RNF111: variants seen among roughly 807,000 people sequenced by gnomAD.
RNF111 encodes ring finger protein 111.
Under a neutral mutation model 95.1 loss-of-function variants are expected in RNF111, and 17 were observed. The observed-to-expected ratio is 0.18, with a 90% CI of 0.12 to 0.27. RNF111 has a LOEUF of 0.27. Among genes scored for constraint, RNF111 ranks in the 10% least tolerant of loss-of-function variants. The probability of loss-of-function intolerance (pLI) is 1.00; values close to 1 mark genes in which losing one functional copy is unlikely to be tolerated. For synonymous variants in RNF111, 440 were observed against 414.8 expected (o/e 1.06, Z -0.74); for missense variants, 1,189 against 1,210.4 (o/e 0.98, Z 0.26).
At chr15:59,033,486 A>C (rs1190556592) in intron 2 of RNF111, among the ~76,000 whole-genome samples, 1 of 152,210 alleles carries the variant, frequency 6.6e-6, no homozygotes, top group East Asian at 1.9e-4. Flanking sequence ...CCTGAGAATA[A>C]GGGAAATGAG....
At chr15:59,027,912 G>A (rs985720957) in intron 1 of RNF111, among the ~76,000 whole-genome samples, 1 of 147,356 alleles carries the variant, frequency 6.8e-6, no homozygotes, top group South Asian at 2.1e-4. Context: ...TACAACCTCT[G>A]CCTCCCTGGT....
At chr15:59,014,286 A>G (rs1383074943) in intron 1 of RNF111, among the ~76,000 whole-genome samples, 1 of 152,100 alleles carries the variant, frequency 6.6e-6, no homozygotes, top group Non-Finnish European at 1.5e-5. Context: ...CCCTGGTGAA[A>G]TCAGCTGTTT....
intron 5 of RNF111, among the ~76,000 whole-genome samples, chr15:59,065,711 G>C (rs189437436): frequency 6.6e-6 from 1 of 152,172 alleles, no homozygotes; most frequent in Admixed American, 6.5e-5. Flanking sequence ...CCAAAGGAAG[G>C]AAAAAAGATA....
chr15:59,068,756 A>G (rs1198459354), intron 6 of RNF111, among the ~76,000 whole-genome samples: 1 of 151,960 alleles, frequency 6.6e-6, no homozygotes, highest in African/African-American at 2.4e-5. Flanking sequence ...TTTTGATGGT[A>G]TGTCTTCTGG....
intron 2 of RNF111, among the ~76,000 whole-genome samples, chr15:59,039,628 A>G (rs959655175): frequency 3.3e-5 from 5 of 152,108 alleles, no homozygotes; most frequent in Non-Finnish European, 5.9e-5. Context: ...AGTCGTTGAT[A>G]ACTTCCTTCC....
intron 1 of RNF111, among the ~76,000 whole-genome samples, chr15:58,995,435 G>C (rs2039020558): frequency 6.6e-6 from 1 of 150,948 alleles, no homozygotes; most frequent in Non-Finnish European, 1.5e-5. Flanking sequence ...TTTCCAAGTG[G>C]GCTCCTGTGT....
chr15:59,075,122 T>C (rs2043112112), intron 6 of RNF111, among the ~76,000 whole-genome samples: 1 of 152,094 alleles, frequency 6.6e-6, no homozygotes, highest in Non-Finnish European at 1.5e-5. Context: ...AAAATAATAA[T>C]GAGAAAAATG....
intron 1 of RNF111, among the ~76,000 whole-genome samples, chr15:59,017,178 C>G (rs2141610045): frequency 7.1e-6 from 1 of 140,072 alleles, no homozygotes; most frequent in South Asian, 2.6e-4. Flanking sequence ...GAAAAATTGT[C>G]TTCTACGAAT....
chr15:59,001,680 T>C (rs140925536), intron 1 of RNF111, among the ~76,000 whole-genome samples: 2 of 152,270 alleles, frequency 1.3e-5, no homozygotes, highest in African/African-American at 2.4e-5. Context: ...CTTAATACTT[T>C]TATTAAGTGA....
At chr15:58,999,258 T>G (rs1479176119) in intron 1 of RNF111, among the ~76,000 whole-genome samples, 1 of 152,188 alleles carries the variant, frequency 6.6e-6, no homozygotes, top group Non-Finnish European at 1.5e-5. Flanking sequence ...TTGCAAAAAA[T>G]GTATAGCATT....
At chr15:59,068,139 G>C (rs1266144572) in intron 6 of RNF111, among the ~76,000 whole-genome samples, 1 of 150,990 alleles carries the variant, frequency 6.6e-6, no homozygotes, top group Non-Finnish European at 1.5e-5. Context: ...AGAATTGCTT[G>C]AACCCGGGAG....
At chr15:59,029,607 C>T (rs1349982102) in intron 1 of RNF111, among the ~76,000 whole-genome samples, 1 of 152,162 alleles carries the variant, frequency 6.6e-6, no homozygotes, top group East Asian at 1.9e-4. Flanking sequence ...ATTTCTGTAA[C>T]CCATTTGTAG....
chr15:59,002,106 G>T (rs1455371472), intron 1 of RNF111, among the ~76,000 whole-genome samples: 1 of 152,132 alleles, frequency 6.6e-6, no homozygotes, highest in Non-Finnish European at 1.5e-5. Context: ...TATTTCTAGA[G>T]TTTTTTCTTT....
At chr15:59,004,031 C>A in intron 1 of RNF111, 2 of 290,878 alleles carry the variant, frequency 6.9e-6, no homozygotes, top group South Asian at 7.4e-5. Flanking sequence ...TTTGAGTGAC[C>A]TATCCTGTGT....
At chr15:59,073,481 C>CA (rs34527160) in intron 6 of RNF111, among the ~76,000 whole-genome samples, 10,051 of 115,648 alleles carry the variant, frequency 0.087, 605 homozygotes, top group African/African-American at 0.21. Flanking sequence ...ACACCATCTC[C>CA]AAAAAAAAAA....
At chr15:59,087,536 C>T (rs559139868) in intron 10 of RNF111, among the ~76,000 whole-genome samples, 17 of 151,820 alleles carry the variant, frequency 1.1e-4, no homozygotes, top group African/African-American at 3.4e-4. Context: ...GTTATAAGTA[C>T]GTGATAATGA....
intron 7 of RNF111, among the ~76,000 whole-genome samples, chr15:59,076,471 A>G (rs2078566610): frequency 6.6e-6 from 1 of 152,180 alleles, no homozygotes; most frequent in African/African-American, 2.4e-5. Flanking sequence ...ACAGTAAAGT[A>G]AATTTTTAAG....
At chr15:59,087,926 G>A (rs1463842519) in intron 10 of RNF111, among the ~76,000 whole-genome samples, 1 of 152,200 alleles carries the variant, frequency 6.6e-6, no homozygotes. Context: ...TTCAGTAATG[G>A]TGAGTGATGT....
intron 6 of RNF111, 69 bp downstream of exon 6, chr15:59,067,152 TTCTC>T (rs2042694217): frequency 1.6e-6 from 2 of 1,289,348 alleles, no homozygotes; most frequent in African/African-American, 1.5e-5. Flanking sequence ...CTTCTCCCTT[TTCTC>T]TCTCTTCCTC....
Sources: allele counts gnomAD v4.1 joint callset (sites outside exome capture counted in the v4.1 genomes callset), GRCh38; gene constraint gnomAD v4.1.1; transcripts MANE v1.5; gene names NCBI Gene and HGNC (gene_info 2026-07-23, HGNC 2026-07-21).